CREB5: variants seen among roughly 807,000 people sequenced by gnomAD.
CREB5 encodes cyclic AMP-responsive element-binding protein 5.
Under a neutral mutation model 57.1 loss-of-function variants are expected in CREB5, and 19 were observed. The observed-to-expected ratio is 0.33, with a 90% CI of 0.23 to 0.49. CREB5 has a LOEUF of 0.49. Among genes scored for constraint, CREB5 ranks in the 20% least tolerant of loss-of-function variants. CREB5 has a pLI of 0.99. For synonymous variants in CREB5, 238 were observed against 238.3 expected, an observed-to-expected ratio of 1.00 and a Z score of 0.01; for missense variants, 579 against 671.6, an observed-to-expected ratio of 0.86 and a Z score of 1.52.
At chr7:28,380,045 C>G (rs956955949) in intron 1 of CREB5, among the ~76,000 whole-genome samples, 4 of 151,986 alleles carry the variant, frequency 2.6e-5, no homozygotes, top group South Asian at 2.1e-4. Context: ...CGCCACCATG[C>G]CTGGCTGGAA....
At chr7:28,503,980 G>A (rs1380053587) in intron 3 of CREB5, among the ~76,000 whole-genome samples, 5 of 152,146 alleles carry the variant, frequency 3.3e-5, no homozygotes, top group Non-Finnish European at 7.3e-5. Context: ...AAGCAAAGTC[G>A]ATACCCACAT....
In CREB5 at chr7:28,560,917, T is replaced by TGC. The variant is rs1170124048; in HGVS notation, c.292-9447_292-9446insCG. ...GTGTGCGTGCGCGCGTGCGTGTGCG[T>TGC]GTGTGCGCGTGCGTGTGTGCGTGCG... On this transcript the variant is annotated intron_variant, in intron 4 of 10. Transcript: ENST00000357727. Among the ~76,000 whole-genome samples the TGC allele has an allele frequency of 1.1e-3, 92 of 80,836 alleles. 6 individuals are homozygous for TGC. The highest frequency in any genetic ancestry group is 3.1e-3 in the East Asian group (4 of 1,308). 53.0% of individuals were successfully genotyped at this position (80,836 alleles called of 152,430 possible).
At chr7:28,554,974 G>C (rs1794801403) in intron 4 of CREB5, among the ~76,000 whole-genome samples, 1 of 152,132 alleles carries the variant, frequency 6.6e-6, no homozygotes, top group Non-Finnish European at 1.5e-5. Context: ...CAAAAATTAA[G>C]ATAAAAGACC....
rs4588736 is a variant in CREB5 at position 28,359,356 on chromosome 7, A to T, written c.-25+59915A>T. 5.7e-3 allele frequency among the ~76,000 whole-genome samples: 863 copies of T among 152,278 alleles called. 9 individuals are homozygous for T. Among genetic ancestry groups the T allele is most frequent in the African/African-American group, 0.02 (826 of 41,562 alleles). Reference sequence around the variant, plus strand: ...CAGCCAAACTTGTCTTACCTCCCCTATAAGAGCGTTGTCAGAGACACTAAT... The same window carrying T: ...CAGCCAAACTTGTCTTACCTCCCCTTTAAGAGCGTTGTCAGAGACACTAAT... On this transcript the variant is annotated intron_variant, in intron 1 of 9. Transcript: ENST00000396299.
chr7:28,750,561 A>C (rs1325160109), intron 7 of CREB5, among the ~76,000 whole-genome samples: 2 of 151,748 alleles, frequency 1.3e-5, no homozygotes, highest in Admixed American at 6.6e-5. Flanking sequence ...ATACACAAGA[A>C]ATGTAAGAAA....
At chr7:28,670,211 A>G (rs575505638) in intron 5 of CREB5, among the ~76,000 whole-genome samples, 2 of 152,364 alleles carry the variant, frequency 1.3e-5, no homozygotes, top group East Asian at 3.9e-4. Flanking sequence ...AATTAGGCAC[A>G]ATAAGAGACT....
intron 1 of CREB5, among the ~76,000 whole-genome samples, chr7:28,436,174 C>T (rs952015011): frequency 6.6e-6 from 1 of 151,992 alleles, no homozygotes; most frequent in African/African-American, 2.4e-5. Context: ...GTGTGCATTC[C>T]TGCAACCTGA....
rs754787695 is a variant in CREB5, at chr7:28,818,172, A to C, written c.1356A>C (p.Gly452=). ...CAGCCATGCAGAAAGAATCACAAGG[A>C]TATCTAAGTAAGTCGCCGACTTTTT... is the stretch of plus-strand genomic sequence containing the variant. ...PITAMQKESQ[G]YLSPESSPPA... is the part of the protein sequence containing the mutation. Residue 452 remains glycine (G), a synonymous_variant, in exon 10 of 11, where the codon GGA becomes GGC. Coordinates refer to ENST00000357727, the MANE Select transcript of CREB5 (RefSeq NM_182898.4). The C allele has an allele frequency of 6.2e-7, 1 of 1,609,830 alleles. No homozygotes were observed. The highest frequency in any genetic ancestry group is 8.5e-7 in the Non-Finnish European group (1 of 1,177,720).
intron 5 of CREB5, among the ~76,000 whole-genome samples, chr7:28,629,293 C>T (rs756653837): frequency 6.6e-6 from 1 of 152,182 alleles, no homozygotes; most frequent in Non-Finnish European, 1.5e-5. Context: ...GCAGGGAAGT[C>T]CAAGGGGCTA....
rs1465134057 is a variant in CREB5, at chr7:28,804,396, T to A, written c.900T>A (p.His300Gln). 2.5e-6 allele frequency: 4 copies of A among 1,613,168 alleles called. No individual in the cohort carries two copies. Among genetic ancestry groups the A allele is most frequent in the Non-Finnish European group, 3.4e-6 (4 of 1,179,674 alleles). The change falls in exon 8 of 11, where the codon CAT becomes CAA. Residue 300 changes from histidine to glutamine, a missense_variant. Transcript: ENST00000357727. Reference sequence around the variant, plus strand: ...ACCAGCACCAGCACCCAGCACACCATCCTCACCCTCAACCCCATCACCAGC... The same window carrying A: ...ACCAGCACCAGCACCCAGCACACCAACCTCACCCTCAACCCCATCACCAGC... The part of the protein sequence containing the change: ...YPHQHQHPAH[H>Q]PHPQPHHQQN...
chr7:28,709,870 C>T (rs1203112621), intron 5 of CREB5, among the ~76,000 whole-genome samples: 1 of 152,220 alleles, frequency 6.6e-6, no homozygotes, highest in East Asian at 1.9e-4. Context: ...TCGATAAGTC[C>T]GTGCGAAGCA....
intron 5 of CREB5, among the ~76,000 whole-genome samples, chr7:28,667,092 A>G (rs1398991162): frequency 2.0e-5 from 3 of 151,996 alleles, no homozygotes; most frequent in Admixed American, 2.0e-4. Flanking sequence ...TGCTCTTGGA[A>G]TCATGTAGAA....
At chr7:28,384,682 T>C (rs1032860750) in intron 1 of CREB5, among the ~76,000 whole-genome samples, 9 of 150,540 alleles carry the variant, frequency 6.0e-5, no homozygotes, top group Admixed American at 2.0e-4. Flanking sequence ...AGGAGACAAG[T>C]TTAAGATAGT....
intron 7 of CREB5, among the ~76,000 whole-genome samples, chr7:28,769,449 A>C (rs1806204780): frequency 6.6e-6 from 1 of 152,262 alleles, no homozygotes; most frequent in African/African-American, 2.4e-5. Context: ...TGTTACATAT[A>C]CCCATAAATA....
intron 1 of CREB5, among the ~76,000 whole-genome samples, chr7:28,338,831 C>T (rs898325385): frequency 4.6e-5 from 7 of 151,998 alleles, no homozygotes; most frequent in African/African-American, 1.7e-4. Flanking sequence ...TTAGTCTCCT[C>T]TGACTGTGTA....
chr7:28,412,898 CT>C lies in CREB5; in HGVS notation c.-13del. 6.7e-7 allele frequency: 1 copy of C among 1,491,960 alleles called. No homozygotes were observed. The highest frequency in any genetic ancestry group is 1.5e-5 in the South Asian group (1 of 67,888). The allele number at this position is 1,491,960 out of a possible 1,614,324, so 92.4% of individuals were successfully genotyped here. ...GACTGCAGGAAGCAACACGTTGCTG[CT>C]TTTATTCTACAGATAATGGTAAGGA... On this transcript the variant is annotated 5_prime_UTR_variant, in exon 1 of 11. Transcript: ENST00000357727.
chr7:28,698,174 A>C (rs949695418), intron 5 of CREB5, among the ~76,000 whole-genome samples: 9 of 152,126 alleles, frequency 5.9e-5, no homozygotes, highest in African/African-American at 2.2e-4. Flanking sequence ...AAATGTTTGA[A>C]AAATGGTTTG....
At chr7:28,585,888 T>C (rs971148814) in intron 5 of CREB5, among the ~76,000 whole-genome samples, 1 of 152,170 alleles carries the variant, frequency 6.6e-6, no homozygotes, top group African/African-American at 2.4e-5. Flanking sequence ...TACTTGAACA[T>C]TTGAAAATTT....
chr7:28,777,166 C>A (rs181060296), intron 7 of CREB5, among the ~76,000 whole-genome samples: 7 of 152,304 alleles, frequency 4.6e-5, no homozygotes, highest in African/African-American at 1.7e-4. Flanking sequence ...TAGATTCTTA[C>A]AAGGAACTCA....
Sources: gnomAD v4.1 joint callset for allele counts (sites outside exome capture counted in the v4.1 genomes callset) on GRCh38, gnomAD v4.1.1 for gene constraint, MANE v1.5 for transcripts, NCBI Gene and HGNC (gene_info 2026-07-23, HGNC 2026-07-21) for gene names.